XRCC4: variants seen among roughly 807,000 people sequenced by gnomAD.
XRCC4 encodes the protein X-ray repair cross complementing 4.
A neutral mutation model predicts 39.1 loss-of-function variants in XRCC4; 28 were observed. The ratio of observed to expected loss-of-function variants is 0.72; its 90% CI spans 0.53 to 0.98. The LOEUF (loss-of-function observed/expected upper bound fraction) is 0.98, where lower values mean the gene tolerates loss of function less well. XRCC4 is among the 50% of genes least tolerant of loss of function. XRCC4 has a pLI of 0.00. For synonymous variants in XRCC4, 123 were observed against 126.4 expected (o/e 0.97, Z 0.18); for missense variants, 350 against 376.4 (o/e 0.93, Z 0.58).
chr5:83,167,111 A>AC (rs1195372398), intron 3 of XRCC4, among the ~76,000 whole-genome samples: 2 of 151,816 alleles, frequency 1.3e-5, no homozygotes, highest in Non-Finnish European at 2.9e-5. Context: ...CAAACTCCTC[A>AC]CCTCAAGTGA....
At chr5:83,364,948 G>C in the XRCC4 span, among the ~76,000 whole-genome samples, 1 of 152,148 alleles carries the variant, frequency 6.6e-6, no homozygotes, top group African/African-American at 2.4e-5. Flanking sequence ...AGTTTAGAAA[G>C]AGGTGAAGAG....
chr5:83,311,667 TAG>T (rs1755712746), intron 7 of XRCC4, among the ~76,000 whole-genome samples: 1 of 152,098 alleles, frequency 6.6e-6, no homozygotes, highest in Non-Finnish European at 1.5e-5. Flanking sequence ...GTCATTTTGG[TAG>T]AGTTTCTCAT....
At chr5:83,181,002 T>C (rs181501306) in intron 3 of XRCC4, among the ~76,000 whole-genome samples, 24 of 152,060 alleles carry the variant, frequency 1.6e-4, no homozygotes, top group African/African-American at 5.3e-4. Flanking sequence ...TAATGAAAAA[T>C]TGGCAGTCCT....
chr5:83,161,088 C>G (rs1749183300), intron 3 of XRCC4, among the ~76,000 whole-genome samples: 1 of 150,518 alleles, frequency 6.6e-6, no homozygotes, highest in South Asian at 2.1e-4. Context: ...TAGTAAGTGG[C>G]CACAGTGATT....
At chr5:83,133,374 T>A (rs922519903) in intron 3 of XRCC4, among the ~76,000 whole-genome samples, 2 of 152,152 alleles carry the variant, frequency 1.3e-5, no homozygotes, top group Non-Finnish European at 2.9e-5. Flanking sequence ...CATTCTCAGA[T>A]CTCCAAGTCT....
intron 7 of XRCC4, among the ~76,000 whole-genome samples, chr5:83,304,118 G>A (rs1755393447): frequency 6.7e-6 from 1 of 150,360 alleles, no homozygotes; most frequent in Non-Finnish European, 1.5e-5. Context: ...AGTAATACAA[G>A]TACTTTTATT....
chr5:83,300,426 A>C (rs1755238338), intron 7 of XRCC4, among the ~76,000 whole-genome samples: 1 of 152,124 alleles, frequency 6.6e-6, no homozygotes, highest in Admixed American at 6.5e-5. Context: ...CAAGCATTCA[A>C]TTTCATAAGC....
chr5:83,341,010 G>A (rs544725846), intron 7 of XRCC4, among the ~76,000 whole-genome samples: 5 of 152,018 alleles, frequency 3.3e-5, no homozygotes, highest in African/African-American at 1.2e-4. Flanking sequence ...CAGACTAATG[G>A]ATGTTGTTTT....
the XRCC4 span, among the ~76,000 whole-genome samples, chr5:83,368,290 T>A: frequency 6.6e-6 from 1 of 152,166 alleles, no homozygotes; most frequent in Non-Finnish European, 1.5e-5. Context: ...CAGTCAATCA[T>A]CCCAGGTGGT....
chr5:83,312,051 C>T (rs1755726911), intron 7 of XRCC4, among the ~76,000 whole-genome samples: 1 of 152,168 alleles, frequency 6.6e-6, no homozygotes, highest in South Asian at 2.1e-4. Context: ...TCTGCCACCA[C>T]CTCTACCACA....
intron 6 of XRCC4, among the ~76,000 whole-genome samples, chr5:83,255,855 G>T (rs987384000): frequency 6.6e-6 from 1 of 152,038 alleles, no homozygotes; most frequent in Admixed American, 6.6e-5. Flanking sequence ...AGTTGTTCAG[G>T]GTTCATAGCT....
chr5:83,108,968 A>C (rs1247954962), intron 2 of XRCC4, among the ~76,000 whole-genome samples: 1 of 151,590 alleles, frequency 6.6e-6, no homozygotes, highest in Non-Finnish European at 1.5e-5. Flanking sequence ...GTGTTTTAGA[A>C]GCTGTTAATA....
At chr5:83,242,374 A>T (rs1011674591) in intron 6 of XRCC4, among the ~76,000 whole-genome samples, 9 of 151,588 alleles carry the variant, frequency 5.9e-5, no homozygotes, top group South Asian at 2.1e-4. Context: ...AGCATGCACA[A>T]CTCTCCTTTA....
chr5:83,128,802 C>T (rs2112470501), intron 3 of XRCC4, among the ~76,000 whole-genome samples: 1 of 152,208 alleles, frequency 6.6e-6, no homozygotes, highest in East Asian at 1.9e-4. Flanking sequence ...ATATCCTTTG[C>T]CCACTTTTTG....
intron 3 of XRCC4, among the ~76,000 whole-genome samples, chr5:83,142,493 A>T (rs10036418): frequency 0.48 from 73,192 of 151,624 alleles, 18,564 homozygotes; most frequent in African/African-American, 0.63. Context: ...CTTAAATGTT[A>T]ATTTAGTTGA....
intron 2 of XRCC4, among the ~76,000 whole-genome samples, chr5:83,110,635 A>G (rs1053503864): frequency 3.3e-5 from 5 of 152,066 alleles, no homozygotes; most frequent in Non-Finnish European, 7.4e-5. Context: ...AACACAGTAT[A>G]GGCTATTGAA....
Position 83,231,049 on chromosome 5 carries a change from C to T in XRCC4, c.745+26128C>T, listed in dbSNP as rs1053447499. On this transcript the variant is annotated intron_variant, in intron 6 of 7. Transcript: ENST00000396027. ...GTGTCAGGATTATGAAAGTAAAATA[C>T]GTAAAATACATGTCTGTAAGGAGAG... is the stretch of plus-strand genomic sequence containing the variant. 4.6e-5 allele frequency among the ~76,000 whole-genome samples: 7 copies of T among 151,938 alleles called. No homozygotes were observed. In the East Asian group the frequency reaches 5.8e-4, roughly 13 times the overall value.
At chr5:83,095,172 T>C (rs904859686) in intron 1 of XRCC4, among the ~76,000 whole-genome samples, 1 of 152,204 alleles carries the variant, frequency 6.6e-6, no homozygotes, top group Non-Finnish European at 1.5e-5. Context: ...TGTAGAAAGC[T>C]GGCCTGCTAC....
chr5:83,243,079 T>A (rs1427039633), intron 6 of XRCC4, among the ~76,000 whole-genome samples: 1 of 152,204 alleles, frequency 6.6e-6, no homozygotes, highest in Non-Finnish European at 1.5e-5. Flanking sequence ...ATTAAACTTT[T>A]CTATAAAGAC....
Sources: allele counts gnomAD v4.1 joint callset (sites outside exome capture counted in the v4.1 genomes callset), GRCh38; gene constraint gnomAD v4.1.1; transcripts MANE v1.5; gene names NCBI Gene and HGNC (gene_info 2026-07-23, HGNC 2026-07-21).